The following PDCD2L variants were observed in gnomAD, a reference collection of about 807,000 sequenced individuals.
PDCD2L encodes the protein programmed cell death 2 like, also known as uS5 assembly chaperone PDCD2L.
In PDCD2L, 44 loss-of-function variants were observed where a neutral mutation model predicts 40.4. The observed-to-expected ratio is 1.09, with a 90% CI of 0.86 to 1.40. PDCD2L has a LOEUF of 1.40. PDCD2L is among the 40% of genes most tolerant of loss of function. The pLI is 0.00. For missense variants in PDCD2L, 470 were observed against 453.7 expected (o/e 1.04, Z -0.33); for synonymous variants, 194 against 174.6 (o/e 1.11, Z -0.88).
At chr19:34,420,321 T>G (rs1325405832) in intron 5 of PDCD2L, among the ~76,000 whole-genome samples, 2 of 151,816 alleles carry the variant, frequency 1.3e-5, no homozygotes, top group Non-Finnish European at 2.9e-5. Context: ...TTTTTTGGTT[T>G]TTTTTTTTTA....
intron 5 of PDCD2L, among the ~76,000 whole-genome samples, chr19:34,416,372 C>T (rs942368349): frequency 1.3e-5 from 2 of 152,132 alleles, no homozygotes; most frequent in Admixed American, 1.3e-4. Context: ...GATTGCCTCT[C>T]AGAAGCAACA....
intron 5 of PDCD2L, among the ~76,000 whole-genome samples, chr19:34,418,474 T>C (rs1354446248): frequency 6.6e-6 from 1 of 152,246 alleles, no homozygotes; most frequent in Non-Finnish European, 1.5e-5. Context: ...TCATTCCTTT[T>C]GACCGCTGTG....
At chr19:34,409,564 AAG>A (rs1205406585) in intron 4 of PDCD2L, 54 bp downstream of exon 4, 2 of 1,496,548 alleles carry the variant, frequency 1.3e-6, no homozygotes, top group African/African-American at 1.4e-5. Context: ...AAGCAGCCAC[AAG>A]AGTTACCCTT....
chr19:34,421,601 G>C lies in PDCD2L; in HGVS notation c.880G>C (p.Gly294Arg). 1 of 1,614,104 alleles carries C rather than the reference G, an allele frequency of 6.2e-7. No individual in the cohort carries two copies. The highest frequency in any genetic ancestry group is 1.1e-5 in the South Asian group (1 of 91,078). The change falls in exon 6 of 7, where the codon GGC becomes CGC. Residue 294 changes from glycine to arginine, a missense_variant. Gly to Arg is a moderately radical substitution (Grantham distance 125, BLOSUM62 -2). Transcript: ENST00000246535. Reference protein sequence around the residue: ...TELPACSQCGGQRIFEFQLMP... With the variant: ...TELPACSQCGRQRIFEFQLMP... ...GCTCCCAGCCTGCAGCCAGTGTGGA[G>C]GCCAAAGGATATTTGAGTTTCAGCT...
At chr19:34,414,324 C>G (rs899145710) in intron 5 of PDCD2L, among the ~76,000 whole-genome samples, 2 of 146,662 alleles carry the variant, frequency 1.4e-5, no homozygotes, top group African/African-American at 5.1e-5. Flanking sequence ...TACAGGTGCC[C>G]GCCACCCTGC....
chr19:34,419,519 G>T lies in PDCD2L; in HGVS notation c.798-2000G>T, dbSNP rs563387729. 2.0e-5 allele frequency among the ~76,000 whole-genome samples: 3 copies of T among 147,810 alleles called. No homozygotes were observed. The East Asian group carries it at 5.9e-4, about 29-fold the overall frequency. On this transcript the variant is annotated intron_variant, in intron 5 of 6. Transcript: ENST00000246535. ...ATTTCCTTTTTTTTTTTTTTAAAGA[G>T]ATGGGTGTCTCACTATGTGGCCTAG...
At chr19:34,421,040 G>T (rs1443565799) in intron 5 of PDCD2L, among the ~76,000 whole-genome samples, 2 of 152,216 alleles carry the variant, frequency 1.3e-5, no homozygotes, top group African/African-American at 4.8e-5. Flanking sequence ...GCGCTCCTAT[G>T]AGAATCTAAT....
At chr19:34,421,171 G>T (rs1037760682) in intron 5 of PDCD2L, among the ~76,000 whole-genome samples, 1 of 152,172 alleles carries the variant, frequency 6.6e-6, no homozygotes, top group South Asian at 2.1e-4. Context: ...TGGCCTGGGG[G>T]TCCATGGCCT....
rs1355602341 is a variant in PDCD2L at position 34,425,634 on chromosome 19, A to G, written c.947-356A>G. Among the ~76,000 whole-genome samples the G allele has an allele frequency of 2.6e-5, 4 of 152,110 alleles. No homozygotes were observed. In the South Asian group the frequency reaches 8.3e-4, roughly 32 times the overall value. On this transcript the variant is annotated intron_variant, in intron 6 of 6. Coordinates refer to ENST00000246535, the MANE Select transcript of PDCD2L (RefSeq NM_032346.2). ...CTTCCCCGTCGGCCTCCCAAAGTGC[A>G]GGGATCACAGTTGTGAGCCACCGCA...
At chr19:34,424,034 T>C (rs1186019560) in intron 6 of PDCD2L, among the ~76,000 whole-genome samples, 2 of 152,102 alleles carry the variant, frequency 1.3e-5, no homozygotes, top group African/African-American at 4.8e-5. Context: ...AAATCCCACT[T>C]TCTCTTTTCA....
intron 5 of PDCD2L, among the ~76,000 whole-genome samples, chr19:34,420,306 GT>G (rs972317663): frequency 1.1e-3 from 163 of 143,506 alleles, no homozygotes; most frequent in Middle Eastern, 0.011. Flanking sequence ...TGTCCACTAG[GT>G]TTTTTTTTTG....
intron 4 of PDCD2L, 103 bp downstream of exon 4, chr19:34,409,613 GA>G: frequency 2.0e-6 from 2 of 992,842 alleles, no homozygotes; most frequent in Non-Finnish European, 3.0e-6. Context: ...CTTTCAGGCA[GA>G]ACTTGTATGT....
intron 5 of PDCD2L, among the ~76,000 whole-genome samples, chr19:34,414,634 A>T (rs1238613004): frequency 6.6e-6 from 1 of 151,044 alleles, no homozygotes; most frequent in Non-Finnish European, 1.5e-5. Context: ...GACTACAGGC[A>T]TGTACCACCA....
rs374501702 is a variant in PDCD2L, at chr19:34,404,844, A to G, written c.275+29A>G. ...GGCGGGGAAGTCCCAGAGCTGCTCC[A>G]GGGGTGTCCTTTCCAGCGGGCTGGG... On this transcript the variant is annotated intron_variant, in intron 2 of 6. Transcript: ENST00000246535. 233 of 1,605,306 alleles carry G rather than the reference A, an allele frequency of 1.5e-4. 1 individual carries two copies. Among genetic ancestry groups the G allele is most frequent in the Non-Finnish European group, 1.9e-4 (226 of 1,176,848 alleles).
intron 4 of PDCD2L, among the ~76,000 whole-genome samples, chr19:34,410,738 T>C (rs1406693947): frequency 3.3e-5 from 5 of 150,802 alleles, no homozygotes; most frequent in African/African-American, 1.2e-4. Context: ...TTAATAGAAT[T>C]GATGGTTATA....
At chr19:34,419,352 G>A (rs542254494) in intron 5 of PDCD2L, among the ~76,000 whole-genome samples, 58 of 151,938 alleles carry the variant, frequency 3.8e-4, no homozygotes, top group Non-Finnish European at 7.8e-4. Flanking sequence ...GACAGGTTTC[G>A]CTATGTTGGC....
intron 6 of PDCD2L, among the ~76,000 whole-genome samples, chr19:34,423,423 C>T (rs923451364): frequency 1.2e-4 from 18 of 151,458 alleles, no homozygotes; most frequent in Non-Finnish European, 2.6e-4. Flanking sequence ...ACCTCAAGCT[C>T]CCGACCTGCC....
intron 4 of PDCD2L, among the ~76,000 whole-genome samples, chr19:34,410,071 T>C (rs982220852): frequency 1.3e-5 from 2 of 151,518 alleles, no homozygotes; most frequent in Non-Finnish European, 2.9e-5. Flanking sequence ...AAACCAAAGC[T>C]CTCTAAAGAG....
At chr19:34,410,973 C>T (rs894913551) in intron 4 of PDCD2L, among the ~76,000 whole-genome samples, 6 of 150,674 alleles carry the variant, frequency 4.0e-5, no homozygotes, top group Non-Finnish European at 4.4e-5. Flanking sequence ...TTAGTAGAGA[C>T]GGGGTTTCAC....
Sources: gnomAD v4.1 joint callset for allele counts (sites outside exome capture counted in the v4.1 genomes callset) on GRCh38, gnomAD v4.1.1 for gene constraint, MANE v1.5 for transcripts, NCBI Gene and HGNC (gene_info 2026-07-23, HGNC 2026-07-21) for gene names.